Variants in DSCAM observed in about 807,000 individuals in gnomAD.
DSCAM encodes DS cell adhesion molecule.
DSCAM carries 47 observed loss-of-function variants against 217.7 expected under a neutral mutation model. The observed-to-expected ratio is 0.22, with a 90% CI of 0.17 to 0.28. The LOEUF (loss-of-function observed/expected upper bound fraction) is 0.28. Ranked by LOEUF, DSCAM falls within the 10% of genes least tolerant of loss-of-function variation. The pLI is 1.00. For synonymous variants in DSCAM, 1,056 were observed against 1,015.3 expected, an observed-to-expected ratio of 1.04 and a Z score of -0.76; for missense variants, 2,080 against 2,618.3, an observed-to-expected ratio of 0.79 and a Z score of 4.49.
intron 3 of DSCAM, among the ~76,000 whole-genome samples, chr21:40,399,292 A>C (rs1293902194): frequency 6.6e-6 from 1 of 150,610 alleles, no homozygotes; most frequent in East Asian, 2.0e-4. Flanking sequence ...AAAACAAAAC[A>C]AAACAAAACA....
intron 3 of DSCAM, among the ~76,000 whole-genome samples, chr21:40,575,718 C>T (rs2076844871): frequency 6.6e-6 from 1 of 151,616 alleles, no homozygotes; most frequent in Admixed American, 6.6e-5. Flanking sequence ...GGTAGGCAGG[C>T]TACAAATTAA....
rs148387740 is a variant in DSCAM, at chr21:40,520,530, C to T, written c.509-151285G>A. Among the ~76,000 whole-genome samples, 322 of 152,108 alleles carry T rather than the reference C, an allele frequency of 2.1e-3. 2 individuals are homozygous for T. The highest frequency in any genetic ancestry group is 7.2e-3 in the African/African-American group (298 of 41,490). ...GATGAAAAGTTATGTAGTGTGTGGC[C>T]GGGCACGGTGGCTCACACCTGTAAT... is the stretch of plus-strand genomic sequence containing the variant. On this transcript the variant is annotated intron_variant, in intron 3 of 32. Coordinates refer to ENST00000400454, the MANE Select transcript of DSCAM (RefSeq NM_001389.5).
intron 1 of DSCAM, among the ~76,000 whole-genome samples, chr21:40,768,317 C>A (rs1289496871): frequency 1.5e-5 from 2 of 133,162 alleles, no homozygotes; most frequent in Non-Finnish European, 3.2e-5. Context: ...TACGGTGACA[C>A]CCCTCCCCCC....
At chr21:40,840,180 A>G (rs1448243136) in intron 1 of DSCAM, among the ~76,000 whole-genome samples, 1 of 152,212 alleles carries the variant, frequency 6.6e-6, no homozygotes, top group Non-Finnish European at 1.5e-5. Flanking sequence ...TGTTACTTTG[A>G]TGAAGATAGC....
chr21:40,739,517 C>T (rs1406397911), intron 1 of DSCAM, among the ~76,000 whole-genome samples: 3 of 152,180 alleles, frequency 2.0e-5, no homozygotes, highest in Non-Finnish European at 4.4e-5. Flanking sequence ...TGTGTCTTCA[C>T]AGGGCTATCC....
intron 3 of DSCAM, among the ~76,000 whole-genome samples, chr21:40,528,620 T>C (rs577009854): frequency 5.2e-4 from 79 of 152,160 alleles, no homozygotes; most frequent in Non-Finnish European, 9.6e-4. Flanking sequence ...TTTGTACAAG[T>C]GCATCTTGTC....
chr21:40,792,514 C>A (rs1446620078), intron 1 of DSCAM, among the ~76,000 whole-genome samples: 1 of 152,196 alleles, frequency 6.6e-6, no homozygotes, highest in African/African-American at 2.4e-5. Context: ...AAGATCCTAT[C>A]TCCAAATACA....
At chr21:40,293,689 G>A (rs891191022) in intron 10 of DSCAM, among the ~76,000 whole-genome samples, 1 of 152,148 alleles carries the variant, frequency 6.6e-6, no homozygotes, top group East Asian at 1.9e-4. Context: ...AGGCTTGGTG[G>A]TGTACACCTG....
At position 40,296,076 on chromosome 21, in the gene DSCAM, T is replaced by C. The variant is rs1302834884; in HGVS notation, c.2161A>G (p.Ile721Val). 3.1e-6 allele frequency: 5 copies of C among 1,613,748 alleles called. No individual in the cohort carries two copies. In the African/African-American group the frequency reaches 4.0e-5, roughly 13 times the overall value. ...ATACCTTTAGAGAATTTCCACACGA[T>C]GGTAGGTACAGGGTAACCCTCAGCA... ...CSAEGYPVPT[I>V]VWKFSKGAGV... The change falls in exon 10 of 33, where the codon ATC (isoleucine) becomes GTC (valine). Residue 721 changes from isoleucine to valine, a missense_variant. Physicochemically the swap from Ile to Val is conservative, Grantham distance 29. Around this residue, in one of 5 missense-constraint regions of DSCAM, gnomAD observed 218 missense variants for 364.1 expected, o/e 0.60. Coordinates refer to ENST00000400454, the MANE Select transcript of DSCAM (RefSeq NM_001389.5).
chr21:40,818,174 G>A (rs1018310038), intron 1 of DSCAM, among the ~76,000 whole-genome samples: 1 of 150,432 alleles, frequency 6.6e-6, no homozygotes, highest in Non-Finnish European at 1.5e-5. Context: ...TGTGGTAAAG[G>A]GACATCCGCC....
At chr21:40,713,048 T>C (rs1032736179) in intron 1 of DSCAM, among the ~76,000 whole-genome samples, 2 of 152,198 alleles carry the variant, frequency 1.3e-5, no homozygotes, top group African/African-American at 4.8e-5. Context: ...CAAAAGCTAT[T>C]GTCAATCTGT....
chr21:40,478,682 TA>T (rs569036394), intron 3 of DSCAM, among the ~76,000 whole-genome samples: 25 of 152,324 alleles, frequency 1.6e-4, no homozygotes, highest in Admixed American at 1.5e-3. Context: ...TTATTACTGC[TA>T]CTACCACAAC....
At chr21:40,250,271 A>G (rs116901905) in intron 11 of DSCAM, among the ~76,000 whole-genome samples, 1 of 152,270 alleles carries the variant, frequency 6.6e-6, no homozygotes, top group Non-Finnish European at 1.5e-5. Context: ...AAAAACTTCT[A>G]CATGGTAAGG....
intron 15 of DSCAM, among the ~76,000 whole-genome samples, chr21:40,167,577 C>T (rs903849132): frequency 6.6e-6 from 1 of 152,102 alleles, no homozygotes; most frequent in Non-Finnish European, 1.5e-5. Flanking sequence ...ACAAGGGGTA[C>T]AACAGAAAGT....
At chr21:40,380,578 G>A (rs1207533381) in intron 3 of DSCAM, among the ~76,000 whole-genome samples, 1 of 152,168 alleles carries the variant, frequency 6.6e-6, no homozygotes, top group Non-Finnish European at 1.5e-5. Flanking sequence ...TGTTTAGATG[G>A]TGGGGGTTTG....
At chr21:40,708,358 G>T in intron 2 of DSCAM, 96 bp downstream of exon 2, 7 of 1,062,036 alleles carry the variant, frequency 6.6e-6, no homozygotes, top group Non-Finnish European at 8.9e-6. Context: ...GGTTTTCATT[G>T]GTTCTCTGCT....
At chr21:40,373,515 T>C (rs1383515710) in intron 3 of DSCAM, among the ~76,000 whole-genome samples, 2 of 152,126 alleles carry the variant, frequency 1.3e-5, no homozygotes, top group South Asian at 2.1e-4. Context: ...GGAAGTGGCA[T>C]TGTCCTTGTC....
At chr21:40,491,719 C>A (rs964824200) in intron 3 of DSCAM, among the ~76,000 whole-genome samples, 3 of 152,120 alleles carry the variant, frequency 2.0e-5, no homozygotes, top group Non-Finnish European at 4.4e-5. Context: ...ACACTCCTGC[C>A]CTAAGACCTT....
intron 15 of DSCAM, among the ~76,000 whole-genome samples, chr21:40,169,207 G>A (rs1489020717): frequency 6.6e-6 from 1 of 152,100 alleles, no homozygotes; most frequent in East Asian, 1.9e-4. Flanking sequence ...TAGGCTTACT[G>A]GTTGAGGGAA....
Sources: allele counts gnomAD v4.1 joint callset (sites outside exome capture counted in the v4.1 genomes callset), GRCh38; gene constraint gnomAD v4.1.1; regional missense constraint gnomAD v4.1.1; transcripts MANE v1.5; gene names NCBI Gene and HGNC (gene_info 2026-07-23, HGNC 2026-07-21).